The following FOXP2 variants were observed in gnomAD, a reference collection of about 807,000 sequenced individuals.
FOXP2 encodes forkhead box P2.
Under a neutral mutation model 115.8 loss-of-function variants are expected in FOXP2, and 12 were observed. The observed-to-expected ratio is 0.10, with a 90% CI of 0.07 to 0.17. The LOEUF (loss-of-function observed/expected upper bound fraction) is 0.17. Ranked by LOEUF, FOXP2 falls within the 10% of genes least tolerant of loss-of-function variation. The pLI, the probability that FOXP2 is intolerant of heterozygous loss-of-function variation, is 1.00. For missense variants in FOXP2, 629 were observed against 843.5 expected, an observed-to-expected ratio of 0.75 and a Z score of 3.15; for synonymous variants, 328 against 297.7, an observed-to-expected ratio of 1.10 and a Z score of -1.05.
chr7:114,340,715 C>T (rs1791182656), intron 2 of FOXP2, among the ~76,000 whole-genome samples: 1 of 151,018 alleles, frequency 6.6e-6, no homozygotes, highest in Non-Finnish European at 1.5e-5. Flanking sequence ...GGATATTTGT[C>T]ACATTTATTT....
At chr7:114,192,756 C>T (rs1793794727) in intron 1 of FOXP2, among the ~76,000 whole-genome samples, 1 of 152,122 alleles carries the variant, frequency 6.6e-6, no homozygotes, top group Non-Finnish European at 1.5e-5. Context: ...TGCATTGGCC[C>T]TAACATTTAT....
At chr7:114,436,557 G>A (rs1397756898) in intron 2 of FOXP2, among the ~76,000 whole-genome samples, 1 of 150,114 alleles carries the variant, frequency 6.7e-6, no homozygotes, top group Non-Finnish European at 1.5e-5. Flanking sequence ...AATACCTACT[G>A]TGTATTAGGC....
At chr7:114,101,099 C>A (rs1043014727) in intron 1 of FOXP2, among the ~76,000 whole-genome samples, 1 of 152,096 alleles carries the variant, frequency 6.6e-6, no homozygotes, top group Non-Finnish European at 1.5e-5. Flanking sequence ...TCTTGTCCCC[C>A]AAGTCCCACA....
intron 3 of FOXP2, among the ~76,000 whole-genome samples, chr7:114,605,309 T>A (rs1202199604): frequency 6.6e-6 from 1 of 152,194 alleles, no homozygotes; most frequent in Non-Finnish European, 1.5e-5. Flanking sequence ...TGAGCATTTG[T>A]GTGCATATTT....
At chr7:114,262,817 T>C (rs1027540050) in intron 1 of FOXP2, among the ~76,000 whole-genome samples, 1 of 152,198 alleles carries the variant, frequency 6.6e-6, no homozygotes, top group African/African-American at 2.4e-5. Context: ...TCTTCTTTCA[T>C]CCTTGTTGAT....
rs970315770 is a variant in FOXP2 at position 114,691,546 on chromosome 7, A to T, written c.*1620A>T. On this transcript the variant is annotated 3_prime_UTR_variant, in exon 17 of 17. Transcript: ENST00000350908. ...CTTGACAATTCCAAACCCCAAAACT[A>T]TGATAATGAGTTATGATGTAGTTGA... is the stretch of plus-strand genomic sequence containing the variant. The T allele has an allele frequency of 2.2e-6, 1 of 453,860 alleles. No homozygotes were observed. The highest frequency in any genetic ancestry group is 2.4e-5 in the Admixed American group (1 of 42,518). 28.1% of individuals were successfully genotyped at this position (453,860 alleles called of 1,614,324 possible).
chr7:114,681,687 C>A (rs1390327064), intron 16 of FOXP2, among the ~76,000 whole-genome samples: 1 of 152,062 alleles, frequency 6.6e-6, no homozygotes, highest in Non-Finnish European at 1.5e-5. Context: ...ATTTTAGTGA[C>A]CCAGAATTTG....
chr7:114,385,730 G>T (rs113469029), intron 2 of FOXP2, among the ~76,000 whole-genome samples: 1 of 152,302 alleles, frequency 6.6e-6, no homozygotes, highest in African/African-American at 2.4e-5. Flanking sequence ...AGCTAAAGTG[G>T]TCCAATATTA....
chr7:114,637,130 T>C (rs1805266307), intron 6 of FOXP2, among the ~76,000 whole-genome samples: 1 of 152,190 alleles, frequency 6.6e-6, no homozygotes. Context: ...TAGTGATCTG[T>C]GATCATGCCA....
intron 2 of FOXP2, among the ~76,000 whole-genome samples, chr7:114,329,911 G>A (rs1337440079): frequency 1.3e-5 from 2 of 151,986 alleles, no homozygotes; most frequent in African/African-American, 2.4e-5. Context: ...TCCTGACCTC[G>A]AGATCCACCC....
intron 14 of FOXP2, 142 bp downstream of exon 14, chr7:114,662,328 G>T: frequency 8.8e-7 from 1 of 1,134,756 alleles, no homozygotes; most frequent in Non-Finnish European, 1.3e-6. Context: ...TTTGAATCTA[G>T]GTGTAGGTGG....
At chr7:114,108,612 G>C (rs994952859) in intron 1 of FOXP2, among the ~76,000 whole-genome samples, 56 of 151,978 alleles carry the variant, frequency 3.7e-4, no homozygotes, top group Admixed American at 6.6e-4. Flanking sequence ...TTTAAATGTA[G>C]AACTTAGAAC....
chr7:114,421,617 G>A (rs1203069421), intron 1 of FOXP2, among the ~76,000 whole-genome samples: 1 of 151,444 alleles, frequency 6.6e-6, no homozygotes, highest in Non-Finnish European at 1.5e-5. Context: ...TTAAAATTAT[G>A]TCACTTGGTA....
intron 1 of FOXP2, among the ~76,000 whole-genome samples, chr7:114,175,334 G>T (rs1157721048): frequency 6.6e-6 from 1 of 152,052 alleles, no homozygotes; most frequent in Non-Finnish European, 1.5e-5. Context: ...TTTTTTAGTG[G>T]ATGCATCTAT....
intron 1 of FOXP2, among the ~76,000 whole-genome samples, chr7:114,163,530 A>T (rs1792894834): frequency 6.6e-6 from 1 of 151,948 alleles, no homozygotes; most frequent in Non-Finnish European, 1.5e-5. Flanking sequence ...TAATTTCTTT[A>T]TTCACTCCGT....
chr7:114,644,742 A>G lies in FOXP2; in HGVS notation c.1047A>G (p.Lys349=), dbSNP rs779272638. Residue 349 remains lysine (K), a synonymous_variant, in exon 8 of 17, where the codon AAA becomes AAG. Coordinates refer to ENST00000350908, the MANE Select transcript of FOXP2 (RefSeq NM_014491.4). ...SHTLYGHGVC[K]WPGCESICED... The stretch of plus-strand genomic sequence containing the variant: ...CTCTCTATGGCCATGGAGTTTGCAA[A>G]TGGCCAGGCTGTGAAAGCATTTGTG... The G allele has an allele frequency of 1.2e-6, 2 of 1,612,584 alleles. No homozygotes were observed. Among genetic ancestry groups the G allele is most frequent in the Non-Finnish European group, 1.7e-6 (2 of 1,179,228 alleles).
At chr7:114,561,278 T>C (rs1264340082) in intron 3 of FOXP2, 1 of 152,202 alleles carries the variant, frequency 6.6e-6, no homozygotes, top group Non-Finnish European at 1.5e-5. Flanking sequence ...GCTACTAGAC[T>C]GCAGCCTTGT....
chr7:114,652,331 T>G, intron 9 of FOXP2, 41 bp downstream of exon 9: 1 of 1,582,530 alleles, frequency 6.3e-7, no homozygotes, highest in South Asian at 1.1e-5. Context: ...CTTAGATTTC[T>G]GGTGTGTTAC....
intron 2 of FOXP2, among the ~76,000 whole-genome samples, chr7:114,529,051 G>T (rs919298587): frequency 6.6e-6 from 1 of 151,674 alleles, no homozygotes; most frequent in Admixed American, 6.6e-5. Flanking sequence ...GGTAATATTA[G>T]GATATTACAT....
Sources: gnomAD v4.1 joint callset for allele counts (sites outside exome capture counted in the v4.1 genomes callset) on GRCh38, gnomAD v4.1.1 for gene constraint, MANE v1.5 for transcripts, NCBI Gene and HGNC (gene_info 2026-07-23, HGNC 2026-07-21) for gene names.